The following PPP6R2 variants were observed in gnomAD, a reference collection of about 807,000 sequenced individuals.
PPP6R2 encodes protein phosphatase 6 regulatory subunit 2.
A neutral mutation model predicts 100.2 loss-of-function variants in PPP6R2; 62 were observed. The ratio of observed to expected loss-of-function variants is 0.62; its 90% CI spans 0.50 to 0.76. PPP6R2 has a LOEUF of 0.76. Ranked by LOEUF, PPP6R2 falls within the 30% of genes least tolerant of loss-of-function variation. PPP6R2 has a pLI of 0.00. For synonymous variants in PPP6R2, 525 were observed against 514.7 expected, an observed-to-expected ratio of 1.02 and a Z score of -0.27; for missense variants, 1,142 against 1,276.3, an observed-to-expected ratio of 0.89 and a Z score of 1.60.
upstream of PPP6R2, among the ~76,000 whole-genome samples, chr22:50,338,438 AGAGT>A (rs1246299763): frequency 3.5e-5 from 3 of 85,384 alleles, no homozygotes; most frequent in Admixed American, 1.2e-4. Flanking sequence ...TGGTGTGTGT[AGAGT>A]GTGTGGTGTG....
intron 2 of PPP6R2, among the ~76,000 whole-genome samples, chr22:50,373,387 A>G (rs1033058569): frequency 2.7e-5 from 4 of 150,446 alleles, no homozygotes; most frequent in Admixed American, 6.6e-5. Flanking sequence ...GACTACAGGC[A>G]CCCGCCAGCA....
intron 6 of PPP6R2, 142 bp downstream of exon 6, chr22:50,416,299 A>G (rs1025104074): frequency 9.0e-6 from 6 of 669,562 alleles, no homozygotes; most frequent in Middle Eastern, 4.4e-4. Context: ...TCTTTCTTTA[A>G]TCAAGCACTG....
upstream of PPP6R2, among the ~76,000 whole-genome samples, chr22:50,339,941 GTGT>G (rs2042353321): frequency 7.3e-6 from 1 of 137,700 alleles, no homozygotes; most frequent in Non-Finnish European, 1.6e-5. Flanking sequence ...TGTGGTGTGT[GTGT>G]TATGTAGTGT....
rs549830537 is a variant in PPP6R2, at chr22:50,350,233, T to G, written c.-148+6683T>G. Reference sequence around the variant, plus strand: ...CATCTTCAGGCTCTACTTCTAGTTCTGTTACTTATTTTTTGAGACGAAGTT... The same window carrying G: ...CATCTTCAGGCTCTACTTCTAGTTCGGTTACTTATTTTTTGAGACGAAGTT... On this transcript the variant is annotated intron_variant, in intron 1 of 23. Coordinates refer to ENST00000612753, the MANE Select transcript of PPP6R2 (RefSeq NM_001242898.2). Among the ~76,000 whole-genome samples the G allele has an allele frequency of 1.6e-4, 25 of 152,292 alleles. 1 individual carries two copies. The highest frequency in any genetic ancestry group is 7.4e-5 in the Non-Finnish European group (5 of 68,018).
intron 3 of PPP6R2, among the ~76,000 whole-genome samples, chr22:50,396,563 TC>T (rs2056934325): frequency 6.6e-6 from 1 of 151,968 alleles, no homozygotes; most frequent in Non-Finnish European, 1.5e-5. Flanking sequence ...GAAACACGTT[TC>T]AGTATCCACC....
At position 50,350,654 on chromosome 22, in the gene PPP6R2, G is replaced by T. The variant is rs193096387; in HGVS notation, c.-148+7104G>T. Among the ~76,000 whole-genome samples, 580 of 151,858 alleles carry T rather than the reference G, an allele frequency of 3.8e-3. 10 individuals are homozygous for T. The East Asian group carries it at 0.062, about 16-fold the overall frequency. On this transcript the variant is annotated intron_variant, in intron 1 of 23. Coordinates refer to ENST00000612753, the MANE Select transcript of PPP6R2 (RefSeq NM_001242898.2). ...AGGTCAGGAGATCGAGACCATCCTGGCTAACACGGTGAAACCCCGTCTCTA... is the reference window on the plus strand; with the variant it reads ...AGGTCAGGAGATCGAGACCATCCTGTCTAACACGGTGAAACCCCGTCTCTA...
At chr22:50,348,990 G>A (rs1044340787) in intron 1 of PPP6R2, among the ~76,000 whole-genome samples, 44 of 150,230 alleles carry the variant, frequency 2.9e-4, no homozygotes, top group Non-Finnish European at 5.8e-4. Flanking sequence ...TCAGGAGTTC[G>A]AGACCAGCTT....
chr22:50,347,093 C>G (rs572623935), intron 1 of PPP6R2, among the ~76,000 whole-genome samples: 3 of 152,058 alleles, frequency 2.0e-5, no homozygotes, highest in Admixed American at 1.3e-4. Flanking sequence ...CCTCATCCTG[C>G]CTGTTGTGGC....
chr22:50,332,230 G>T, the PPP6R2 span, among the ~76,000 whole-genome samples: 4 of 148,152 alleles, frequency 2.7e-5, no homozygotes, highest in East Asian at 3.9e-4. Flanking sequence ...TCTTCTAGAA[G>T]ATTTTTTTTT....
chr22:50,370,564 G>A (rs2148497256), intron 1 of PPP6R2, among the ~76,000 whole-genome samples: 1 of 152,184 alleles, frequency 6.6e-6, no homozygotes, highest in South Asian at 2.1e-4. Context: ...TGGGATTACA[G>A]GCGTGAGCCA....
chr22:50,424,887 G>A (rs1194901819), intron 10 of PPP6R2, among the ~76,000 whole-genome samples: 4 of 151,976 alleles, frequency 2.6e-5, no homozygotes, highest in Non-Finnish European at 4.4e-5. Flanking sequence ...TGATCCACCC[G>A]CCTTGGCCTC....
At chr22:50,421,738 C>T (rs567448601) in intron 8 of PPP6R2, among the ~76,000 whole-genome samples, 2 of 152,142 alleles carry the variant, frequency 1.3e-5, no homozygotes, top group South Asian at 4.1e-4. Flanking sequence ...TGGCAAAATC[C>T]TGTCTCTACT....
In PPP6R2 at chr22:50,437,569, G is replaced by A. The variant is rs762610010; in HGVS notation, c.1747G>A (p.Asp583Asn). 9 of 1,486,294 alleles carry A rather than the reference G, an allele frequency of 6.1e-6. No individual in the cohort carries two copies. The highest frequency in any genetic ancestry group is 8.2e-6 in the Non-Finnish European group (9 of 1,098,826). 92.1% of individuals were successfully genotyped at this position (1,486,294 alleles called of 1,614,324 possible). Residue 583 changes from aspartate (D) to asparagine (N), a missense_variant, in exon 16 of 24, where the codon GAT becomes AAT. By Grantham distance (23) the Asp-to-Asn change is conservative. Coordinates refer to ENST00000612753, the MANE Select transcript of PPP6R2 (RefSeq NM_001242898.2). ...ANFVDQFGFN[D>N]EEFADQDDNI... Reference sequence around the variant, plus strand: ...CTTCGTGGATCAGTTTGGCTTCAATGATGAGGAGTTTGCCGACCAGGACGA... The same window carrying A: ...CTTCGTGGATCAGTTTGGCTTCAATAATGAGGAGTTTGCCGACCAGGACGA...
intron 2 of PPP6R2, among the ~76,000 whole-genome samples, chr22:50,391,435 A>AAAAG: frequency 6.7e-6 from 1 of 149,778 alleles, no homozygotes; most frequent in African/African-American, 2.4e-5. Flanking sequence ...TCCGTCTCAA[A>AAAAG]AAAAAAAAAA....
At chr22:50,439,513 T>C (rs574182208) in intron 19 of PPP6R2, among the ~76,000 whole-genome samples, 188 bp from the exon 20 acceptor site, 119 of 152,242 alleles carry the variant, frequency 7.8e-4, no homozygotes, top group African/African-American at 2.9e-3. Flanking sequence ...CGGCAGCTTG[T>C]CAGGACCCTC....
chr22:50,436,526 C>G (rs751008674), intron 14 of PPP6R2, 74 bp downstream of exon 14: 20 of 1,462,242 alleles, frequency 1.4e-5, no homozygotes, highest in Non-Finnish European at 1.9e-5. Context: ...TGCCTTTGCC[C>G]TGAGGCAGAG....
chr22:50,353,972 G>C (rs1003671331), intron 1 of PPP6R2, among the ~76,000 whole-genome samples: 1 of 152,124 alleles, frequency 6.6e-6, no homozygotes, highest in Non-Finnish European at 1.5e-5. Context: ...AGGCATTTGT[G>C]TGTTCTTGTT....
intron 10 of PPP6R2, among the ~76,000 whole-genome samples, chr22:50,428,102 A>G (rs1368241685): frequency 6.6e-6 from 1 of 151,298 alleles, no homozygotes; most frequent in Non-Finnish European, 1.5e-5. Context: ...TGATCTGCCC[A>G]CATTGGCCTC....
Position 50,423,730 on chromosome 22 carries a change from G to A in PPP6R2, c.1125+116G>A. ...CATTTGGACAAAGCTCTGCCACGGG[G>A]AGGTTCCAGTCCCAAGTCCCAAGGC... On this transcript the variant is annotated intron_variant, in intron 10 of 23. Coordinates refer to ENST00000612753, the MANE Select transcript of PPP6R2 (RefSeq NM_001242898.2). This position sits in a 1 kb window ranked among gnomAD's most constrained non-coding sequence, Gnocchi z 4.8. 1 of 1,336,602 alleles carries A rather than the reference G, an allele frequency of 7.5e-7. No homozygotes were observed. The highest frequency in any genetic ancestry group is 1.5e-5 in the African/African-American group (1 of 68,808). 82.8% of individuals were successfully genotyped at this position (1,336,602 alleles called of 1,614,324 possible).
Sources: gnomAD v4.1 joint callset for allele counts (sites outside exome capture counted in the v4.1 genomes callset) on GRCh38, gnomAD v4.1.1 for gene constraint, Gnocchi (gnomAD v3.1) non-coding constraint, MANE v1.5 for transcripts, NCBI Gene and HGNC (gene_info 2026-07-23, HGNC 2026-07-21) for gene names.